PRKCSH: variants seen among roughly 807,000 people sequenced by gnomAD.
PRKCSH encodes the protein glucosidase 2 subunit beta.
In PRKCSH, 42 loss-of-function variants were observed where a neutral mutation model predicts 79.7. The ratio of observed to expected loss-of-function variants is 0.53; its 90% CI spans 0.41 to 0.68. The LOEUF is 0.68. PRKCSH is among the 30% of genes least tolerant of loss of function. The pLI, the probability that PRKCSH is intolerant of heterozygous loss-of-function variation, is 0.00. For synonymous variants in PRKCSH, 325 were observed against 288.2 expected (o/e 1.13, Z -1.29); for missense variants, 686 against 709.0 (o/e 0.97, Z 0.37).
Position 11,448,387 on chromosome 19 carries a change from G to C in PRKCSH, c.1196+96G>C, listed in dbSNP as rs909023485. The C allele has an allele frequency of 2.0e-6, 3 of 1,497,380 alleles. No individual in the cohort carries two copies. The Admixed American group carries it at 5.8e-5, about 29-fold the overall frequency. 92.8% of individuals were successfully genotyped at this position (1,497,380 alleles called of 1,614,324 possible). On this transcript the variant is annotated intron_variant, in intron 13 of 17. Coordinates refer to ENST00000677123, the MANE Select transcript of PRKCSH (RefSeq NM_001289104.2). The surrounding 1 kb of genome is among the most constrained non-coding windows in gnomAD (Gnocchi z 4.4). ...ATGGGGAATCACTGAGGCAACCACA[G>C]GCTGGGCCTGGTCCCTGCAGGGAGG...
chr19:11,436,322 G>C (rs781764409), intron 2 of PRKCSH, 67 bp from the exon 3 acceptor site: 1 of 1,573,200 alleles, frequency 6.4e-7, no homozygotes, highest in Admixed American at 1.7e-5. Context: ...GGGGATGGGA[G>C]GACAGAGGTG....
At position 11,447,887 on chromosome 19, in the gene PRKCSH, G is replaced by C. The variant is rs112532469; in HGVS notation, c.1126+98G>C. On this transcript the variant is annotated intron_variant, in intron 12 of 17. Transcript: ENST00000677123. The surrounding 1 kb of genome is among the most constrained non-coding windows in gnomAD (Gnocchi z 5.6). ...AGATCCTGAGCTTAGACCCTGCTCT[G>C]ACTCGGCCAGCACAAGCCCCAGTAT... 33,740 of 1,346,770 alleles carry C rather than the reference G, an allele frequency of 0.025. 501 individuals are homozygous for C. The highest frequency in any genetic ancestry group is 0.029 in the Non-Finnish European group (29,095 of 996,132). The allele number at this position is 1,346,770 out of a possible 1,614,324, so 83.4% of individuals were successfully genotyped here. A position where few individuals can be genotyped will look rare whatever the true frequency, so the allele number is the denominator to read the frequency against.
intron 2 of PRKCSH, 44 bp downstream of exon 2, chr19:11,436,240 G>A: frequency 1.2e-6 from 2 of 1,600,540 alleles, no homozygotes; most frequent in Non-Finnish European, 1.7e-6. Context: ...GAGGTGGGAG[G>A]GGCCAACATT....
At position 11,448,309 on chromosome 19, in the gene PRKCSH, G is replaced by A. The variant is rs756009875; in HGVS notation, c.1196+18G>A. ...TCCATCAGGTAGCGGGGGCTGAGGA[G>A]CGGGGACACCTGTCCCACAGCGACT... On this transcript the variant is annotated intron_variant, in intron 13 of 17. Transcript: ENST00000677123. This position sits in a 1 kb window ranked among gnomAD's most constrained non-coding sequence, Gnocchi z 4.4. The A allele has an allele frequency of 1.7e-5, 26 of 1,567,982 alleles. No homozygotes were observed. The highest frequency in any genetic ancestry group is 2.2e-5 in the Non-Finnish European group (25 of 1,156,234).
rs577229998 is a variant in PRKCSH at position 11,448,436 on chromosome 19, A to G, written c.1197-104A>G. 1.2e-4 allele frequency: 178 copies of G among 1,451,840 alleles called. 1 individual carries two copies. In the African/African-American group the frequency reaches 2.2e-3, roughly 18 times the overall value. 89.9% of individuals were successfully genotyped at this position (1,451,840 alleles called of 1,614,324 possible). The stretch of plus-strand genomic sequence containing the variant: ...GGGTCCCTGGGAGGTGGCAGGGAGG[A>G]CAGCCTGGGCACCATTGCTCAGCCA... On this transcript the variant is annotated intron_variant, in intron 13 of 17. Transcript: ENST00000677123. This position sits in a 1 kb window ranked among gnomAD's most constrained non-coding sequence, Gnocchi z 4.4.
chr19:11,437,637 G>C (rs1011366009), intron 3 of PRKCSH, among the ~76,000 whole-genome samples: 4 of 152,220 alleles, frequency 2.6e-5, no homozygotes, highest in African/African-American at 9.7e-5. Flanking sequence ...ACAGGTGTGA[G>C]CCCCCGTGCC....
intron 6 of PRKCSH, 95 bp downstream of exon 6, chr19:11,441,452 C>T (rs1970057268): frequency 8.7e-7 from 1 of 1,148,104 alleles, no homozygotes; most frequent in African/African-American, 1.5e-5. Context: ...CCCCTGACTG[C>T]TGTTCTGGGG....
Position 11,438,095 on chromosome 19 carries a change from C to T in PRKCSH, c.321C>T (p.Asn107=). 1.2e-6 allele frequency: 2 copies of T among 1,614,200 alleles called. No homozygotes were observed. Among genetic ancestry groups the T allele is most frequent in the East Asian group, 2.2e-5 (1 of 44,884 alleles). Residue 107 remains asparagine (N), a synonymous_variant, in exon 5 of 18, where the codon AAC becomes AAT. Coordinates refer to ENST00000677123, the MANE Select transcript of PRKCSH (RefSeq NM_001289104.2). ...CDCCDGTDEY[N]SGVICENTCK... ...GCTGCGATGGAACAGACGAGTACAA[C>T]AGCGGCGTCATCTGTGAGAACACCT... is the stretch of plus-strand genomic sequence containing the variant.
chr19:11,437,192 C>G (rs892647257), intron 3 of PRKCSH, among the ~76,000 whole-genome samples: 1 of 151,450 alleles, frequency 6.6e-6, no homozygotes, highest in Non-Finnish European at 1.5e-5. Context: ...CCCACCACCA[C>G]GCCCAGCTAG....
In PRKCSH at chr19:11,448,739, C is replaced by T. The variant is rs1034812153; in HGVS notation, c.1286+110C>T. 1.1e-5 allele frequency: 15 copies of T among 1,347,620 alleles called. No individual in the cohort carries two copies. Among genetic ancestry groups the T allele is most frequent in the Admixed American group, 5.2e-5 (3 of 58,194 alleles). 83.5% of individuals were successfully genotyped at this position (1,347,620 alleles called of 1,614,324 possible). A position where few individuals can be genotyped will look rare whatever the true frequency, so the allele number is the denominator to read the frequency against. On this transcript the variant is annotated intron_variant, in intron 14 of 17. Coordinates refer to ENST00000677123, the MANE Select transcript of PRKCSH (RefSeq NM_001289104.2). This position sits in a 1 kb window ranked among gnomAD's most constrained non-coding sequence, Gnocchi z 4.4. The stretch of plus-strand genomic sequence containing the variant: ...TGGGGAACCATCTGCGGGTGGGGCC[C>T]GAGAGTGCTGCCTTCCATATTGAGG...
At position 11,449,178 on chromosome 19, in the gene PRKCSH, G is replaced by A. The variant is rs1412535115; in HGVS notation, c.1461+3G>A. The A allele has an allele frequency of 6.2e-7, 1 of 1,613,766 alleles. No individual in the cohort carries two copies. Among genetic ancestry groups the A allele is most frequent in the Middle Eastern group, 1.6e-4 (1 of 6,062 alleles). On this transcript the variant is annotated splice_donor_region_variant and intron_variant, in intron 16 of 17. Transcript: ENST00000677123. The surrounding 1 kb of genome is among the most constrained non-coding windows in gnomAD (Gnocchi z 6.4). ...AGGGCCCCAACCGCTCCACCACCGT[G>A]AGTGCCTGCAAGGCAGGGGAGCTGG...
chr19:11,448,689 G>A lies in PRKCSH; in HGVS notation c.1286+60G>A, dbSNP rs971929661. On this transcript the variant is annotated intron_variant, in intron 14 of 17. Coordinates refer to ENST00000677123, the MANE Select transcript of PRKCSH (RefSeq NM_001289104.2). The surrounding 1 kb of genome is among the most constrained non-coding windows in gnomAD (Gnocchi z 4.4). ...GGGTGGGAGGCGGGTGGCCCCGGAA[G>A]TGGCACCGGCAGTTTCCTGATGGTT... 6.6e-7 allele frequency: 1 copy of A among 1,518,558 alleles called. No individual in the cohort carries two copies. Among genetic ancestry groups the A allele is most frequent in the African/African-American group, 1.4e-5 (1 of 72,866 alleles). 94.1% of individuals were successfully genotyped at this position (1,518,558 alleles called of 1,614,324 possible).
Position 11,435,725 on chromosome 19 carries a change from G to T in PRKCSH, c.-78+19G>T. ...GCCTCGTGTAGGTGTGAACGAGCGG[G>T]TGGGAGGGCACCTCAGTTTCTTACA... is the stretch of plus-strand genomic sequence containing the variant. On this transcript the variant is annotated intron_variant, in intron 1 of 17. Coordinates refer to ENST00000677123, the MANE Select transcript of PRKCSH (RefSeq NM_001289104.2). 1 of 1,336,422 alleles carries T rather than the reference G, an allele frequency of 7.5e-7. No homozygotes were observed. Among genetic ancestry groups the T allele is most frequent in the Non-Finnish European group, 9.8e-7 (1 of 1,020,654 alleles). 82.8% of individuals were successfully genotyped at this position (1,336,422 alleles called of 1,614,324 possible).
At position 11,446,285 on chromosome 19, in the gene PRKCSH, G is replaced by A. The variant is rs1272855605; in HGVS notation, c.697G>A (p.Glu233Lys). 6.2e-7 allele frequency: 1 copy of A among 1,613,668 alleles called. No individual in the cohort carries two copies. Among genetic ancestry groups the A allele is most frequent in the African/African-American group, 1.3e-5 (1 of 74,900 alleles). Residue 233 changes from glutamate to lysine, a missense_variant, in exon 9 of 18, where the codon GAG (glutamate) becomes AAG (lysine). Glu to Lys is a moderately conservative substitution (Grantham distance 56). Coordinates refer to ENST00000677123, the MANE Select transcript of PRKCSH (RefSeq NM_001289104.2). ...DDMDGTVSVT[E>K]LQTHPELDTD... is the part of the protein sequence containing the mutation. ...ACGCCCCCGCAGGGTCTCGGTGACTGAGCTGCAGACTCACCCGGAGCTGGA... is the reference window on the plus strand; with the variant it reads ...ACGCCCCCGCAGGGTCTCGGTGACTAAGCTGCAGACTCACCCGGAGCTGGA...
At chr19:11,441,408 A>G (rs769117850) in intron 6 of PRKCSH, 51 bp downstream of exon 6, 1 of 1,560,138 alleles carries the variant, frequency 6.4e-7, no homozygotes, top group East Asian at 2.2e-5. Context: ...TTGAGGCCTC[A>G]TAGTGTGGGC....
chr19:11,445,728 G>C lies in PRKCSH; in HGVS notation c.683+255G>C, dbSNP rs567529927. On this transcript the variant is annotated intron_variant, in intron 8 of 17. Coordinates refer to ENST00000677123, the MANE Select transcript of PRKCSH (RefSeq NM_001289104.2). ...CCCTCAGCCTCAGGGAGTGTGTCTA[G>C]GCATCTAGTGATCGGATGGCTTTTC... 19 of 565,602 alleles carry C rather than the reference G, an allele frequency of 3.4e-5. No individual in the cohort carries two copies. The East Asian group carries it at 5.1e-4, about 15-fold the overall frequency. 35.0% of individuals were successfully genotyped at this position (565,602 alleles called of 1,614,324 possible).
Position 11,449,133 on chromosome 19 carries a change from G to A in PRKCSH, c.1419G>A (p.Glu473=). The A allele has an allele frequency of 6.2e-7, 1 of 1,613,854 alleles. No homozygotes were observed. Among genetic ancestry groups the A allele is most frequent in the Non-Finnish European group, 8.5e-7 (1 of 1,180,042 alleles). The part of the protein sequence containing the change: ...DHDKFSAMKY[E]QGTGCWQGPN... ...ACAAGTTCAGTGCCATGAAGTATGA[G>A]CAAGGCACGGGCTGCTGGCAGGGCC... Residue 473 remains glutamate (E), a synonymous_variant, in exon 16 of 18, where the codon GAG becomes GAA. Transcript: ENST00000677123. The surrounding 1 kb of genome is among the most constrained non-coding windows in gnomAD (Gnocchi z 6.4).
At chr19:11,436,774 G>C (rs902820856) in intron 3 of PRKCSH, 2 of 455,720 alleles carry the variant, frequency 4.4e-6, no homozygotes, top group South Asian at 4.1e-5. Flanking sequence ...GGGTCAACAC[G>C]GGCAAACCCC....
At position 11,448,442 on chromosome 19, in the gene PRKCSH, T is replaced by C. The variant is rs1970428318; in HGVS notation, c.1197-98T>C. ...CTGGGAGGTGGCAGGGAGGACAGCC[T>C]GGGCACCATTGCTCAGCCAGACCCT... On this transcript the variant is annotated intron_variant, in intron 13 of 17. Transcript: ENST00000677123. This position sits in a 1 kb window ranked among gnomAD's most constrained non-coding sequence, Gnocchi z 4.4. 7 of 1,454,146 alleles carry C rather than the reference T, an allele frequency of 4.8e-6. No homozygotes were observed. The South Asian group carries it at 8.1e-5, about 17-fold the overall frequency. The allele number at this position is 1,454,146 out of a possible 1,614,324, so 90.1% of individuals were successfully genotyped here.
Sources: gnomAD v4.1 joint callset for allele counts (sites outside exome capture counted in the v4.1 genomes callset) on GRCh38, gnomAD v4.1.1 for gene constraint, Gnocchi (gnomAD v3.1) non-coding constraint, MANE v1.5 for transcripts, NCBI Gene and HGNC (gene_info 2026-07-23, HGNC 2026-07-21) for gene names.